Variants in TOP2B observed in about 807,000 individuals in gnomAD.
TOP2B encodes the protein DNA topoisomerase 2-beta.
In TOP2B, 51 loss-of-function variants were observed where a neutral mutation model predicts 193.5. That is an observed-to-expected ratio of 0.26 (90% CI 0.21 to 0.33). TOP2B has a LOEUF of 0.33. Ranked by LOEUF, TOP2B falls within the 10% of genes least tolerant of loss-of-function variation. TOP2B has a pLI of 1.00. For missense variants in TOP2B, 1,378 were observed against 1,909.3 expected (o/e 0.72, Z 5.19); for synonymous variants, 634 against 635.7 (o/e 1.00, Z 0.04).
chr3:25,613,548 A>G (rs1004666171), intron 27 of TOP2B, among the ~76,000 whole-genome samples: 1 of 152,112 alleles, frequency 6.6e-6, no homozygotes, highest in Non-Finnish European at 1.5e-5. Flanking sequence ...CCTAGGCAAC[A>G]TAACAAAACC....
intron 1 of TOP2B, among the ~76,000 whole-genome samples, chr3:25,650,548 C>T (rs931631313): frequency 6.6e-6 from 1 of 152,226 alleles, no homozygotes; most frequent in Non-Finnish European, 1.5e-5. Flanking sequence ...CTCTTGTCTG[C>T]AGCTGATCTA....
In TOP2B at chr3:25,610,642, G is replaced by A. The variant is rs192681938; in HGVS notation, c.3787-930C>T. Among the ~76,000 whole-genome samples, 8 of 152,330 alleles carry A rather than the reference G, an allele frequency of 5.3e-5. No individual in the cohort carries two copies. The East Asian group carries it at 1.5e-3, about 29-fold the overall frequency. On this transcript the variant is annotated intron_variant, in intron 28 of 35. Transcript: ENST00000264331. ...GAGAAGAAACACACAGAGGCATACA[G>A]GTGCTAACACTGTATACCAAGAATT...
intron 4 of TOP2B, among the ~76,000 whole-genome samples, chr3:25,641,846 A>C (rs1420098914): frequency 2.6e-5 from 4 of 152,184 alleles, no homozygotes; most frequent in Non-Finnish European, 4.4e-5. Context: ...ACTATTTTTT[A>C]TACATCTTCA....
In TOP2B at chr3:25,664,505, G is replaced by GGCGCGGCGT; in HGVS notation, c.-217_-209dup. Reference sequence around the variant, plus strand: ...CGCCGCCGGCTGCCCTCAAACTCGAGGCGCGGCGTCCGCGTCGCCCGGGCC... The same window carrying GGCGCGGCGT: ...CGCCGCCGGCTGCCCTCAAACTCGAGGCGCGGCGTGCGCGGCGTCCGCGTCGCCCGGGCC... On this transcript the variant is annotated 5_prime_UTR_variant, in exon 1 of 36. Coordinates refer to ENST00000264331, the MANE Select transcript of TOP2B (RefSeq NM_001330700.2). The GGCGCGGCGT allele has an allele frequency of 1.7e-6, 2 of 1,177,362 alleles. No individual in the cohort carries two copies. The highest frequency in any genetic ancestry group is 2.1e-6 in the Non-Finnish European group (2 of 954,088). The allele number at this position is 1,177,362 out of a possible 1,614,324, so 72.9% of individuals were successfully genotyped here. A position where few individuals can be genotyped will look rare whatever the true frequency, so the allele number is the denominator to read the frequency against.
chr3:25,648,278 C>T (rs577146856), intron 1 of TOP2B, among the ~76,000 whole-genome samples: 3 of 152,152 alleles, frequency 2.0e-5, no homozygotes, highest in African/African-American at 4.8e-5. Flanking sequence ...TACTACAGCA[C>T]GAGACGCCAC....
chr3:25,657,874 A>C (rs1452255778), intron 1 of TOP2B, among the ~76,000 whole-genome samples: 2 of 136,576 alleles, frequency 1.5e-5, no homozygotes, highest in Non-Finnish European at 3.1e-5. Context: ...ATCCCGGCTA[A>C]AACGGTGAAA....
In TOP2B at chr3:25,635,933, T is replaced by TA; in HGVS notation, c.852+2dup. The TA allele has an allele frequency of 6.2e-7, 1 of 1,611,986 alleles. No individual in the cohort carries two copies. The highest frequency in any genetic ancestry group is 8.5e-7 in the Non-Finnish European group (1 of 1,178,576). ...TATTAAAACTATTTTACAGGACACT[T>TA]ACAGGCAATTTCTTTCCATTAAACA... On this transcript the variant is annotated splice_region_variant and intron_variant, in intron 7 of 35. Coordinates refer to ENST00000264331, the MANE Select transcript of TOP2B (RefSeq NM_001330700.2).
chr3:25,638,459 C>G, intron 4 of TOP2B, 149 bp from the exon 5 acceptor site: 1 of 1,020,868 alleles, frequency 9.8e-7, no homozygotes, highest in Non-Finnish European at 1.3e-6. Flanking sequence ...TTGGAAGGCA[C>G]TGATTCATCT....
chr3:25,642,448 A>T, intron 3 of TOP2B, 63 bp from the exon 4 acceptor site: 2 of 1,010,240 alleles, frequency 2.0e-6, no homozygotes, highest in East Asian at 5.3e-5. Flanking sequence ...CATGGACACA[A>T]CTGTATGTGC....
At chr3:25,616,788 G>A (rs1702516515) in intron 25 of TOP2B, among the ~76,000 whole-genome samples, 1 of 151,570 alleles carries the variant, frequency 6.6e-6, no homozygotes, top group South Asian at 2.1e-4. Flanking sequence ...TTAGATCTAG[G>A]TTTTGACTAC....
intron 1 of TOP2B, among the ~76,000 whole-genome samples, chr3:25,645,871 T>C (rs928609255): frequency 2.0e-4 from 30 of 152,014 alleles, no homozygotes; most frequent in African/African-American, 7.0e-4. Flanking sequence ...GTGATTCTCC[T>C]GCCTCAGCCT....
At position 25,627,354 on chromosome 3, in the gene TOP2B, C is replaced by G. The variant is rs1486723673; in HGVS notation, c.1907-58G>C. 11 of 1,161,496 alleles carry G rather than the reference C, an allele frequency of 9.5e-6. No individual in the cohort carries two copies. In the East Asian group the frequency reaches 2.0e-4, roughly 21 times the overall value. 71.9% of individuals were successfully genotyped at this position (1,161,496 alleles called of 1,614,324 possible). ...AATATCAATGTCTGTTTAAAACCAT[C>G]AAGTAAAAAGCTGGTGGAAAAGTTG... On this transcript the variant is annotated intron_variant, in intron 15 of 35. Coordinates refer to ENST00000264331, the MANE Select transcript of TOP2B (RefSeq NM_001330700.2).
Position 25,598,297 on chromosome 3 carries a change from C to T in TOP2B, c.*10G>A. ...ATATTTGTTGAAAAATGTTTGTGCTCTTTGGGCACTTAATTAAACATTGCA... is the reference window on the plus strand; with the variant it reads ...ATATTTGTTGAAAAATGTTTGTGCTTTTTGGGCACTTAATTAAACATTGCA... On this transcript the variant is annotated 3_prime_UTR_variant, in exon 36 of 36. Coordinates refer to ENST00000264331, the MANE Select transcript of TOP2B (RefSeq NM_001330700.2). 6 of 1,596,822 alleles carry T rather than the reference C, an allele frequency of 3.8e-6. No individual in the cohort carries two copies. Among genetic ancestry groups the T allele is most frequent in the Non-Finnish European group, 5.1e-6 (6 of 1,169,688 alleles).
At position 25,629,273 on chromosome 3, in the gene TOP2B, G is replaced by C; in HGVS notation, c.1690-128C>G. 1.3e-5 allele frequency: 8 copies of C among 595,738 alleles called. No individual in the cohort carries two copies. The South Asian group carries it at 2.4e-4, about 18-fold the overall frequency. 36.9% of individuals were successfully genotyped at this position (595,738 alleles called of 1,614,324 possible). A position where few individuals can be genotyped will look rare whatever the true frequency, so the allele number is the denominator to read the frequency against. On this transcript the variant is annotated intron_variant, in intron 13 of 35. Coordinates refer to ENST00000264331, the MANE Select transcript of TOP2B (RefSeq NM_001330700.2). ...AATTTTAGAAATGCATTTTACAAAA[G>C]CTATTAAGATGATCATACTAAATTT...
chr3:25,614,990 T>A (rs1217377203), intron 27 of TOP2B, among the ~76,000 whole-genome samples: 1 of 152,040 alleles, frequency 6.6e-6, no homozygotes, highest in Admixed American at 6.5e-5. Context: ...GAAAGCAGAT[T>A]TAATTTATTC....
chr3:25,627,091 CAA>C (rs1702820812), intron 16 of TOP2B, 94 bp downstream of exon 16: 2 of 908,496 alleles, frequency 2.2e-6, no homozygotes, highest in East Asian at 4.9e-5. Context: ...CTTGAGCATT[CAA>C]AAGAGACTTA....
Position 25,641,765 on chromosome 3 carries a change from T to C in TOP2B, c.395+557A>G, listed in dbSNP as rs116908689. 2.9e-3 allele frequency among the ~76,000 whole-genome samples: 445 copies of C among 152,248 alleles called. 7 individuals are homozygous for C. In the South Asian group the frequency reaches 0.03, roughly 10 times the overall value. On this transcript the variant is annotated intron_variant, in intron 4 of 35. Coordinates refer to ENST00000264331, the MANE Select transcript of TOP2B (RefSeq NM_001330700.2). The stretch of plus-strand genomic sequence containing the variant: ...TACTAATGAAATTACAAAGGATGAA[T>C]GTAATATTTTACAAAAGGCATGCTG...
In TOP2B at chr3:25,606,035, G is replaced by T; in HGVS notation, c.4378+8C>A. 6.9e-7 allele frequency: 1 copy of T among 1,444,750 alleles called. No homozygotes were observed. Among genetic ancestry groups the T allele is most frequent in the South Asian group, 1.4e-5 (1 of 69,832 alleles). 89.5% of individuals were successfully genotyped at this position (1,444,750 alleles called of 1,614,324 possible). A position where few individuals can be genotyped will look rare whatever the true frequency, so the allele number is the denominator to read the frequency against. On this transcript the variant is annotated splice_region_variant and intron_variant, in intron 32 of 35. Transcript: ENST00000264331. The stretch of plus-strand genomic sequence containing the variant: ...ACAATAACCAATGAAAAGACTAAAT[G>T]AACATACCATCTTCTGACTTCTGAG...
intron 7 of TOP2B, among the ~76,000 whole-genome samples, chr3:25,635,140 G>A (rs1236673118): frequency 6.6e-6 from 1 of 152,148 alleles, no homozygotes; most frequent in African/African-American, 2.4e-5. Context: ...CAAGGGGAAA[G>A]ACAAAAACAA....
Sources: allele counts gnomAD v4.1 joint callset (sites outside exome capture counted in the v4.1 genomes callset), GRCh38; gene constraint gnomAD v4.1.1; transcripts MANE v1.5; gene names NCBI Gene and HGNC (gene_info 2026-07-23, HGNC 2026-07-21).